RAB27B: variants seen among roughly 807,000 people sequenced by gnomAD.
RAB27B encodes RAB27B, member RAS oncogene family.
In RAB27B, 15 loss-of-function variants were observed where a neutral mutation model predicts 24.6. The observed-to-expected ratio is 0.61, with a 90% CI of 0.41 to 0.94. The LOEUF (loss-of-function observed/expected upper bound fraction) is 0.94. RAB27B is among the 40% of genes least tolerant of loss of function. The pLI is 0.00. For missense variants in RAB27B, 261 were observed against 266.8 expected (o/e 0.98, Z 0.15); for synonymous variants, 105 against 92.5 (o/e 1.14, Z -0.78).
chr18:54,865,014 A>G (rs1476818046), intron 1 of RAB27B, among the ~76,000 whole-genome samples: 1 of 152,140 alleles, frequency 6.6e-6, no homozygotes. Context: ...TGTGTTAATT[A>G]TTAGTGTTTA....
intron 1 of RAB27B, among the ~76,000 whole-genome samples, chr18:54,830,870 G>A (rs1910647644): frequency 6.6e-6 from 1 of 152,006 alleles, no homozygotes; most frequent in African/African-American, 2.4e-5. Context: ...TTATCAAATG[G>A]CCAAAAAAAT....
At chr18:54,721,839 TC>T (rs778062021) in intron 2 of RAB27B, among the ~76,000 whole-genome samples, 3 of 152,174 alleles carry the variant, frequency 2.0e-5, no homozygotes, top group Non-Finnish European at 2.9e-5. Context: ...TTGGAAGACT[TC>T]CTGAAAAAGT....
chr18:54,762,777 C>A (rs559283566), intron 2 of RAB27B, among the ~76,000 whole-genome samples: 11 of 152,238 alleles, frequency 7.2e-5, no homozygotes, highest in Middle Eastern at 3.4e-3. Flanking sequence ...CTTTATTATT[C>A]TTCTCAGTAC....
rs527867885 is a variant in RAB27B at position 54,802,343 on chromosome 18, T to C, written c.-19-75224T>C. The stretch of plus-strand genomic sequence containing the variant: ...AATTGAAGTTAGCCAGTGCTTGGGG[T>C]ACTGTCACTGTTGCCATAGCTTTTC... On this transcript the variant is annotated intron_variant, in intron 2 of 4. Coordinates refer to the RAB27B transcript ENST00000586570. Among the ~76,000 whole-genome samples the C allele has an allele frequency of 1.0e-3, 157 of 151,998 alleles. 1 individual carries two copies. The highest frequency in any genetic ancestry group is 3.7e-3 in the African/African-American group (154 of 41,540).
At chr18:54,806,334 GGT>G (rs1176130465) in intron 2 of RAB27B, among the ~76,000 whole-genome samples, 1 of 151,158 alleles carries the variant, frequency 6.6e-6, no homozygotes, top group African/African-American at 2.4e-5. Context: ...GGAGCTCTAT[GGT>G]GTGTTACTGT....
intron 2 of RAB27B, among the ~76,000 whole-genome samples, chr18:54,747,579 T>G (rs1174423919): frequency 6.6e-6 from 1 of 152,206 alleles, no homozygotes; most frequent in Non-Finnish European, 1.5e-5. Context: ...AAACAAAATC[T>G]GAATAATAGG....
At chr18:54,747,896 C>G (rs1910303930) in intron 2 of RAB27B, among the ~76,000 whole-genome samples, 1 of 151,996 alleles carries the variant, frequency 6.6e-6, no homozygotes, top group South Asian at 2.1e-4. Context: ...TCACTTGAAC[C>G]CAGGAGTTCG....
chr18:54,839,742 G>T (rs12604232), intron 1 of RAB27B, among the ~76,000 whole-genome samples: 145,833 of 152,188 alleles, frequency 0.96, 70,227 homozygotes, highest in East Asian at 1. Flanking sequence ...GTGAGTATCT[G>T]TTTGCTTTTT....
intron 1 of RAB27B, among the ~76,000 whole-genome samples, chr18:54,851,156 A>G (rs1911572065): frequency 6.6e-6 from 1 of 152,220 alleles, no homozygotes; most frequent in African/African-American, 2.4e-5. Context: ...AGACTGTAAT[A>G]GCACCAAATA....
chr18:54,870,871 A>G (rs1912436536), intron 1 of RAB27B, among the ~76,000 whole-genome samples: 1 of 152,126 alleles, frequency 6.6e-6, no homozygotes, highest in African/African-American at 2.4e-5. Flanking sequence ...GTAGGTGGAG[A>G]GTTATAGGGC....
chr18:54,807,057 C>G (rs561213861), intron 2 of RAB27B, among the ~76,000 whole-genome samples: 1 of 152,118 alleles, frequency 6.6e-6, no homozygotes, highest in Non-Finnish European at 1.5e-5. Context: ...CACGCCACCA[C>G]ACTCAGCTAA....
chr18:54,798,464 G>A (rs951408681), intron 2 of RAB27B, among the ~76,000 whole-genome samples: 1 of 152,220 alleles, frequency 6.6e-6, no homozygotes, highest in Non-Finnish European at 1.5e-5. Context: ...AAGGCCTCGG[G>A]TGCCCAGGCT....
intron 2 of RAB27B, among the ~76,000 whole-genome samples, chr18:54,803,178 A>AAC (rs1463443329): frequency 6.6e-6 from 1 of 152,230 alleles, no homozygotes; most frequent in East Asian, 1.9e-4. Context: ...TGATGAAATA[A>AAC]ATAAAGATAG....
At chr18:54,800,391 G>T (rs1207619061) in intron 2 of RAB27B, among the ~76,000 whole-genome samples, 3 of 152,112 alleles carry the variant, frequency 2.0e-5, no homozygotes, top group Non-Finnish European at 4.4e-5. Context: ...GTGATTCAAA[G>T]CCTAGATTGC....
chr18:54,841,845 C>CA (rs1421185298), intron 1 of RAB27B, among the ~76,000 whole-genome samples: 2 of 152,106 alleles, frequency 1.3e-5, no homozygotes, highest in East Asian at 3.8e-4. Context: ...AATAAGACAC[C>CA]AATATACTAT....
chr18:54,807,643 G>C (rs192333064), intron 2 of RAB27B, among the ~76,000 whole-genome samples: 1 of 152,092 alleles, frequency 6.6e-6, no homozygotes, highest in East Asian at 1.9e-4. Context: ...ACACCTTTGT[G>C]GTATTTAAGT....
At chr18:54,886,979 TCCTGC>T (rs1176537500) in intron 4 of RAB27B, among the ~76,000 whole-genome samples, 1 of 147,632 alleles carries the variant, frequency 6.8e-6, no homozygotes, top group African/African-American at 2.5e-5. Context: ...ACCATGCCCT[TCCTGC>T]CCTGCCCTGC....
At position 54,889,323 on chromosome 18, in the gene RAB27B, G is replaced by A. The variant is rs1913271889; in HGVS notation, c.567G>A (p.Val189=). Residue 189 remains valine (V), a synonymous_variant, in exon 6 of 6, where the codon GTG becomes GTA. Coordinates refer to ENST00000262094, the MANE Select transcript of RAB27B (RefSeq NM_004163.4). ...DLIMKRMEQC[V]EKTQIPDTVN... ...TCATGAAGCGAATGGAACAGTGTGTGGAGAAGACACAAATCCCTGATACTG... is the reference window on the plus strand; with the variant it reads ...TCATGAAGCGAATGGAACAGTGTGTAGAGAAGACACAAATCCCTGATACTG... 6.2e-7 allele frequency: 1 copy of A among 1,613,404 alleles called. No individual in the cohort carries two copies. The highest frequency in any genetic ancestry group is 8.5e-7 in the Non-Finnish European group (1 of 1,179,512).
chr18:54,847,237 G>C (rs1004760782), intron 1 of RAB27B, among the ~76,000 whole-genome samples: 2 of 152,204 alleles, frequency 1.3e-5, no homozygotes, highest in Non-Finnish European at 2.9e-5. Context: ...ACAGGGATCT[G>C]AAGTTTTGTA....
Sources: gnomAD v4.1 joint callset for allele counts (sites outside exome capture counted in the v4.1 genomes callset) on GRCh38, gnomAD v4.1.1 for gene constraint, MANE v1.5 for transcripts, NCBI Gene and HGNC (gene_info 2026-07-23, HGNC 2026-07-21) for gene names.